Variants in CPNE2 observed in about 807,000 individuals in gnomAD.
CPNE2 encodes the protein copine-2.
A neutral mutation model predicts 69.7 loss-of-function variants in CPNE2; 42 were observed. That is an observed-to-expected ratio of 0.60 (90% CI 0.47 to 0.78). The LOEUF (loss-of-function observed/expected upper bound fraction) is 0.78. Among genes scored for constraint, CPNE2 ranks in the 30% least tolerant of loss-of-function variants. CPNE2 has a pLI of 0.00. For synonymous variants in CPNE2, 294 were observed against 289.8 expected (o/e 1.01, Z -0.15); for missense variants, 587 against 732.0 (o/e 0.80, Z 2.29).
intron 1 of CPNE2, among the ~76,000 whole-genome samples, chr16:57,094,657 G>A (rs963902199): frequency 6.6e-6 from 1 of 152,194 alleles, no homozygotes; most frequent in South Asian, 2.1e-4. Flanking sequence ...GTGAGTGCCT[G>A]GTTAACTGTC....
chr16:57,133,516 T>A (rs1386031568), intron 12 of CPNE2, among the ~76,000 whole-genome samples: 1 of 151,598 alleles, frequency 6.6e-6, no homozygotes, highest in Non-Finnish European at 1.5e-5. Context: ...TCGGTTTGTT[T>A]ATTTGTAAAA....
At chr16:57,122,241 G>A (rs368528814) in intron 9 of CPNE2, among the ~76,000 whole-genome samples, 83 of 152,312 alleles carry the variant, frequency 5.4e-4, no homozygotes, top group African/African-American at 1.5e-3. Flanking sequence ...CAGAAGACCT[G>A]GTGGGCAAAT....
In CPNE2 at chr16:57,146,384, C is replaced by A; in HGVS notation, c.1539+63C>A. 7.3e-7 allele frequency: 1 copy of A among 1,376,912 alleles called. No homozygotes were observed. Among genetic ancestry groups the A allele is most frequent in the Non-Finnish European group, 9.9e-7 (1 of 1,006,292 alleles). The allele number at this position is 1,376,912 out of a possible 1,614,324, so 85.3% of individuals were successfully genotyped here. A position where few individuals can be genotyped will look rare whatever the true frequency, so the allele number is the denominator to read the frequency against. Reference sequence around the variant, plus strand: ...GATCCCAGCCACCATAGCTCATAATCAAGCTTGAGAGTCTTGGGGTTGTCT... The same window carrying A: ...GATCCCAGCCACCATAGCTCATAATAAAGCTTGAGAGTCTTGGGGTTGTCT... On this transcript the variant is annotated intron_variant, in intron 15 of 15. Coordinates refer to ENST00000290776, the MANE Select transcript of CPNE2 (RefSeq NM_152727.6). The surrounding 1 kb of genome is among the most constrained non-coding windows in gnomAD (Gnocchi z 4.4).
rs1013101060 is a variant in CPNE2, at chr16:57,146,398, T to C, written c.1539+77T>C. The stretch of plus-strand genomic sequence containing the variant: ...TAGCTCATAATCAAGCTTGAGAGTC[T>C]TGGGGTTGTCTGGCCCAATCCTAGA... On this transcript the variant is annotated intron_variant, in intron 15 of 15. Coordinates refer to ENST00000290776, the MANE Select transcript of CPNE2 (RefSeq NM_152727.6). This position sits in a 1 kb window ranked among gnomAD's most constrained non-coding sequence, Gnocchi z 4.4. 2.3e-6 allele frequency: 3 copies of C among 1,295,298 alleles called. No individual in the cohort carries two copies. The highest frequency in any genetic ancestry group is 1.9e-4 in the Middle Eastern group (1 of 5,396). The allele number at this position is 1,295,298 out of a possible 1,614,324, so 80.2% of individuals were successfully genotyped here. A position where few individuals can be genotyped will look rare whatever the true frequency, so the allele number is the denominator to read the frequency against.
intron 10 of CPNE2, chr16:57,124,414 G>T (rs570375441): frequency 4.4e-6 from 2 of 455,782 alleles, no homozygotes; most frequent in African/African-American, 2.0e-5. Flanking sequence ...GGCACTTGCC[G>T]CCCCGAGATT....
At chr16:57,119,329 C>G in intron 6 of CPNE2, 51 bp downstream of exon 6, 1 of 1,562,844 alleles carries the variant, frequency 6.4e-7, no homozygotes, top group Non-Finnish European at 8.8e-7. Context: ...TGCAGTCCAG[C>G]CCCTCCACAG....
intron 1 of CPNE2, among the ~76,000 whole-genome samples, chr16:57,101,792 AC>A (rs1370511995): frequency 6.6e-6 from 1 of 152,294 alleles, no homozygotes; most frequent in East Asian, 1.9e-4. Flanking sequence ...CTGTATTTGA[AC>A]AAGATGCCCC....
intron 15 of CPNE2, 181 bp from the exon 16 acceptor site, chr16:57,147,370 T>C: frequency 2.4e-6 from 1 of 419,770 alleles, no homozygotes; most frequent in Non-Finnish European, 4.2e-6. Flanking sequence ...CAGGGGGAAT[T>C]TCAGGCCTGG....
At chr16:57,118,351 T>A (rs1416824355) in intron 5 of CPNE2, among the ~76,000 whole-genome samples, 7 of 119,520 alleles carry the variant, frequency 5.9e-5, no homozygotes, top group Non-Finnish European at 1.9e-5. Flanking sequence ...TTTTTTGTAC[T>A]TTTAGTAGAG....
intron 15 of CPNE2, 56 bp from the exon 16 acceptor site, chr16:57,147,495 C>CCGGT: frequency 7.7e-7 from 1 of 1,306,542 alleles, no homozygotes; most frequent in Non-Finnish European, 1.0e-6. Context: ...CTCACAACTT[C>CCGGT]CGGTCATTAA....
At chr16:57,121,822 A>G in intron 9 of CPNE2, 62 bp downstream of exon 9, 1 of 1,478,406 alleles carries the variant, frequency 6.8e-7, no homozygotes, top group Non-Finnish European at 9.4e-7. Flanking sequence ...GAAGGGACAG[A>G]CAGAGCACTG....
At position 57,138,489 on chromosome 16, in the gene CPNE2, A is replaced by G. The variant is rs557993753; in HGVS notation, c.1302+1207A>G. On this transcript the variant is annotated intron_variant, in intron 14 of 15. Transcript: ENST00000290776. ...AGGCCAGCCTCTGCCTTCCTTACCG[A>G]CCCGATCACTGACTGCACAGCCCTT... Among the ~76,000 whole-genome samples the G allele has an allele frequency of 1.8e-3, 276 of 151,942 alleles. 3 individuals are homozygous for G. Among genetic ancestry groups the G allele is most frequent in the Non-Finnish European group, 2.7e-3 (181 of 67,966 alleles).
chr16:57,143,908 T>TCCCACCCACTGAA (rs2069939498), intron 14 of CPNE2: 1 of 152,306 alleles, frequency 6.6e-6, no homozygotes, highest in African/African-American at 2.4e-5. Context: ...TGGAAACAGA[T>TCCCACCCACTGAA]CCCACCCACT....
At chr16:57,142,587 G>A (rs1473184288) in intron 14 of CPNE2, 2 of 152,250 alleles carry the variant, frequency 1.3e-5, no homozygotes, top group Non-Finnish European at 1.5e-5. Context: ...GTGAGCCTTG[G>A]GGGGACTCCT....
Position 57,146,596 on chromosome 16 carries a change from G to A in CPNE2, c.1539+275G>A. The stretch of plus-strand genomic sequence containing the variant: ...AGGCTCTGGGGCAGGGCTTCCTGGA[G>A]GACCTGCCCTCTAGTGGGGTCTGAT... On this transcript the variant is annotated intron_variant, in intron 15 of 15. Coordinates refer to ENST00000290776, the MANE Select transcript of CPNE2 (RefSeq NM_152727.6). This position sits in a 1 kb window ranked among gnomAD's most constrained non-coding sequence, Gnocchi z 4.4. 2.2e-6 allele frequency: 1 copy of A among 459,188 alleles called. No homozygotes were observed. Among genetic ancestry groups the A allele is most frequent in the Non-Finnish European group, 4.0e-6 (1 of 253,014 alleles). The allele number at this position is 459,188 out of a possible 1,614,324, so 28.4% of individuals were successfully genotyped here.
chr16:57,144,133 G>A (rs2069940752), intron 14 of CPNE2: 1 of 152,242 alleles, frequency 6.6e-6, no homozygotes, highest in African/African-American at 2.4e-5. Context: ...GGCTTCTGAG[G>A]CCCCTCACAG....
intron 11 of CPNE2, among the ~76,000 whole-genome samples, chr16:57,126,557 G>A (rs1181021230): frequency 5.9e-5 from 9 of 152,202 alleles, no homozygotes; most frequent in Non-Finnish European, 1.2e-4. Flanking sequence ...TGTGGCAGGT[G>A]TGGCTACCAA....
chr16:57,146,395 G>A lies in CPNE2; in HGVS notation c.1539+74G>A. 2.3e-6 allele frequency: 3 copies of A among 1,305,884 alleles called. No homozygotes were observed. The South Asian group carries it at 4.3e-5, about 19-fold the overall frequency. 80.9% of individuals were successfully genotyped at this position (1,305,884 alleles called of 1,614,324 possible). On this transcript the variant is annotated intron_variant, in intron 15 of 15. Coordinates refer to ENST00000290776, the MANE Select transcript of CPNE2 (RefSeq NM_152727.6). This position sits in a 1 kb window ranked among gnomAD's most constrained non-coding sequence, Gnocchi z 4.4. ...CCATAGCTCATAATCAAGCTTGAGA[G>A]TCTTGGGGTTGTCTGGCCCAATCCT... is the stretch of plus-strand genomic sequence containing the variant.
At chr16:57,113,906 G>A (rs943679898) in intron 3 of CPNE2, among the ~76,000 whole-genome samples, 6 of 152,208 alleles carry the variant, frequency 3.9e-5, no homozygotes, top group East Asian at 1.9e-4. Context: ...GGGGCTAGGC[G>A]CCCCTGACAC....
Sources: allele counts gnomAD v4.1 joint callset (sites outside exome capture counted in the v4.1 genomes callset), GRCh38; gene constraint gnomAD v4.1.1; non-coding constraint Gnocchi (gnomAD v3.1); transcripts MANE v1.5; gene names NCBI Gene and HGNC (gene_info 2026-07-23, HGNC 2026-07-21).